The following RBFOX3 variants were observed in gnomAD, a reference collection of about 807,000 sequenced individuals.
RBFOX3 encodes RNA binding protein fox-1 homolog 3.
A neutral mutation model predicts 48.7 loss-of-function variants in RBFOX3; 17 were observed. That is an observed-to-expected ratio of 0.35 (90% CI 0.24 to 0.52). RBFOX3 has a LOEUF of 0.52. Ranked by LOEUF, RBFOX3 falls within the 20% of genes least tolerant of loss-of-function variation. The pLI, the probability that RBFOX3 is intolerant of heterozygous loss-of-function variation, is 0.94. For synonymous variants in RBFOX3, 212 were observed against 209.5 expected, an observed-to-expected ratio of 1.01 and a Z score of -0.10; for missense variants, 382 against 497.5, an observed-to-expected ratio of 0.77 and a Z score of 2.21.
chr17:79,173,214 A>AC (rs1434968006), intron 4 of RBFOX3, among the ~76,000 whole-genome samples: 117 of 145,898 alleles, frequency 8.0e-4, no homozygotes, highest in East Asian at 3.6e-3. Context: ...TCAAATAAAT[A>AC]AATAAATACA....
At chr17:79,431,101 C>T (rs2068356428) in intron 2 of RBFOX3, among the ~76,000 whole-genome samples, 1 of 152,242 alleles carries the variant, frequency 6.6e-6, no homozygotes, top group South Asian at 2.1e-4. Context: ...GAGGTCAAGC[C>T]CGATCGGTGA....
intron 1 of RBFOX3, among the ~76,000 whole-genome samples, chr17:79,529,815 T>C (rs1402090482): frequency 6.6e-6 from 1 of 152,114 alleles, no homozygotes; most frequent in Non-Finnish European, 1.5e-5. Context: ...GCTGGCAAAC[T>C]CCGGCCAGGG....
chr17:79,175,514 G>A (rs1357515055), intron 4 of RBFOX3, among the ~76,000 whole-genome samples: 3 of 152,252 alleles, frequency 2.0e-5, no homozygotes, highest in African/African-American at 7.2e-5. Flanking sequence ...GTCCTTTCCC[G>A]CGGGCGTGCT....
the RBFOX3 span, among the ~76,000 whole-genome samples, chr17:79,639,634 A>T: frequency 6.6e-6 from 1 of 152,230 alleles, no homozygotes; most frequent in Middle Eastern, 3.2e-3. Flanking sequence ...CATTAAAAGG[A>T]TTATACATTA....
intron 9 of RBFOX3, chr17:79,099,693 C>T (rs933708969): frequency 2.0e-5 from 3 of 152,254 alleles, no homozygotes; most frequent in African/African-American, 7.2e-5. Context: ...TGGGTGCCCT[C>T]CCCTGTCAAT....
intron 5 of RBFOX3, among the ~76,000 whole-genome samples, chr17:79,114,222 T>C (rs2033117618): frequency 6.6e-6 from 1 of 152,160 alleles, no homozygotes; most frequent in Non-Finnish European, 1.5e-5. Flanking sequence ...ACACAGGGCG[T>C]GGGTTTGATG....
At chr17:79,467,528 C>T (rs1464632306) in intron 2 of RBFOX3, among the ~76,000 whole-genome samples, 1 of 152,188 alleles carries the variant, frequency 6.6e-6, no homozygotes, top group African/African-American at 2.4e-5. Context: ...CAGCTGTGCA[C>T]CTGTGGCCAG....
chr17:79,411,474 G>A (rs2064328360), intron 2 of RBFOX3, among the ~76,000 whole-genome samples: 1 of 152,054 alleles, frequency 6.6e-6, no homozygotes, highest in South Asian at 2.1e-4. Flanking sequence ...TCAGCTCCAC[G>A]GGCTCCTCCT....
chr17:79,545,314 C>T (rs1012586744), intron 1 of RBFOX3, among the ~76,000 whole-genome samples: 1 of 152,174 alleles, frequency 6.6e-6, no homozygotes, highest in East Asian at 1.9e-4. Context: ...AAGGAAGGGG[C>T]CAGCCGTGTT....
At chr17:79,446,273 A>G (rs1257301666) in intron 2 of RBFOX3, among the ~76,000 whole-genome samples, 1 of 152,176 alleles carries the variant, frequency 6.6e-6, no homozygotes. Flanking sequence ...CACACGTCCA[A>G]AAATTCCAGC....
At chr17:79,629,015 A>C in the RBFOX3 span, among the ~76,000 whole-genome samples, 1 of 152,280 alleles carries the variant, frequency 6.6e-6, no homozygotes, top group South Asian at 2.1e-4. Flanking sequence ...TTGTTCATTC[A>C]TTGATTCAAC....
chr17:79,177,507 G>A (rs868483243), intron 4 of RBFOX3, among the ~76,000 whole-genome samples: 9 of 152,158 alleles, frequency 5.9e-5, no homozygotes, highest in African/African-American at 1.4e-4. Flanking sequence ...CCAGCATGCC[G>A]AATGGCCGTC....
At chr17:79,636,618 A>G in the RBFOX3 span, among the ~76,000 whole-genome samples, 1 of 152,160 alleles carries the variant, frequency 6.6e-6, no homozygotes, top group Non-Finnish European at 1.5e-5. Flanking sequence ...TTATAACTAT[A>G]AGATGTTTTA....
At chr17:79,241,401 T>C (rs12945287) in intron 3 of RBFOX3, among the ~76,000 whole-genome samples, 147,502 of 152,164 alleles carry the variant, frequency 0.97, 71,623 homozygotes, top group Non-Finnish European at 1. Context: ...TTTTGGGACA[T>C]CTCTTCTTAA....
rs147758853 is a variant in RBFOX3, at chr17:79,131,116, G to A, written c.-33-15368C>T. On this transcript the variant is annotated intron_variant, in intron 4 of 14. Transcript: ENST00000693108. ...GTGTGCCCCGTGTGTGCACATGTGC[G>A]CCCCGTGTGTGCTGTGTGACCCGTG... Among the ~76,000 whole-genome samples, 624 of 150,608 alleles carry A rather than the reference G, an allele frequency of 4.1e-3. 4 individuals are homozygous for A. Among genetic ancestry groups the A allele is most frequent in the Non-Finnish European group, 7.2e-3 (487 of 67,894 alleles).
rs946077085 is a variant in RBFOX3 at position 79,103,901 on chromosome 17, G to C, written c.414+172C>G. On this transcript the variant is annotated intron_variant, in intron 7 of 14. Transcript: ENST00000693108. This position sits in a 1 kb window ranked among gnomAD's most constrained non-coding sequence, Gnocchi z 6.1. ...GGCAGCGGCAGCAACAACACAGACA[G>C]CTGGGGTGGGGGCGGGGCGGGTGGG... 2.0e-5 allele frequency among the ~76,000 whole-genome samples: 3 copies of C among 149,806 alleles called. No individual in the cohort carries two copies. The highest frequency in any genetic ancestry group is 4.4e-5 in the Non-Finnish European group (3 of 67,466).
At chr17:79,387,410 A>G (rs1022752788) in intron 2 of RBFOX3, among the ~76,000 whole-genome samples, 4 of 152,234 alleles carry the variant, frequency 2.6e-5, no homozygotes, top group Non-Finnish European at 5.9e-5. Context: ...AACACTCATC[A>G]GAGACCCTGA....
At chr17:79,328,366 TC>T (rs2079660596) in intron 2 of RBFOX3, among the ~76,000 whole-genome samples, 1 of 152,186 alleles carries the variant, frequency 6.6e-6, no homozygotes, top group East Asian at 1.9e-4. Context: ...GGCAGGGCTA[TC>T]TGGTAGCTGG....
the RBFOX3 span, among the ~76,000 whole-genome samples, chr17:79,616,731 C>T: frequency 6.6e-6 from 1 of 152,200 alleles, no homozygotes; most frequent in African/African-American, 2.4e-5. Flanking sequence ...ATAAATACCA[C>T]TTAGGGAGAG....
Sources: gnomAD v4.1 joint callset for allele counts (sites outside exome capture counted in the v4.1 genomes callset) on GRCh38, gnomAD v4.1.1 for gene constraint, Gnocchi (gnomAD v3.1) non-coding constraint, MANE v1.5 for transcripts, NCBI Gene and HGNC (gene_info 2026-07-23, HGNC 2026-07-21) for gene names.